The following TRHDE variants were observed in gnomAD, a reference collection of about 807,000 sequenced individuals.
TRHDE encodes thyrotropin-releasing hormone-degrading ectoenzyme.
Under a neutral mutation model 125.7 loss-of-function variants are expected in TRHDE, and 72 were observed. That is an observed-to-expected ratio of 0.57 (90% confidence interval 0.47 to 0.70). The LOEUF is 0.70. TRHDE is among the 30% of genes least tolerant of loss of function. The probability of loss-of-function intolerance (pLI) is 0.00; values close to 1 mark genes in which losing one functional copy is unlikely to be tolerated. For synonymous variants in TRHDE, 509 were observed against 509.1 expected (o/e 1.00, Z 0.00); for missense variants, 1,110 against 1,327.1 (o/e 0.84, Z 2.54).
At position 72,273,732 on chromosome 12, in the gene TRHDE, C is replaced by T; in HGVS notation, c.914+175C>T. On this transcript the variant is annotated intron_variant, in intron 1 of 18. Transcript: ENST00000261180. The surrounding 1 kb of genome is among the most constrained non-coding windows in gnomAD (Gnocchi z 5.3). ...GAACTCCGGGGTCTCCCAGATGCCT[C>T]GGGGTCTCGCTGCCGCCAACTTCGC... is the stretch of plus-strand genomic sequence containing the variant. 1.7e-6 allele frequency: 1 copy of T among 587,756 alleles called. No individual in the cohort carries two copies. The highest frequency in any genetic ancestry group is 2.9e-6 in the Non-Finnish European group (1 of 339,458). 36.4% of individuals were successfully genotyped at this position (587,756 alleles called of 1,614,324 possible). A position where few individuals can be genotyped will look rare whatever the true frequency, so the allele number is the denominator to read the frequency against.
intron 2 of TRHDE, among the ~76,000 whole-genome samples, chr12:72,289,179 G>A (rs1249718128): frequency 6.6e-6 from 1 of 152,088 alleles, no homozygotes; most frequent in African/African-American, 2.4e-5. Flanking sequence ...ATCACATGAA[G>A]TCCAGGTGGT....
exon 2 of TRHDE, chr12:72,105,698 G>A (rs547658300): frequency 2.0e-5 from 3 of 152,198 alleles, no homozygotes; most frequent in Non-Finnish European, 4.4e-5. Flanking sequence ...ACAGCTAATA[G>A]GTGGCAGTCT....
At chr12:72,148,448 G>T (rs1473859106) in intron 2 of TRHDE, among the ~76,000 whole-genome samples, 2 of 152,114 alleles carry the variant, frequency 1.3e-5, no homozygotes, top group African/African-American at 2.4e-5. Flanking sequence ...CAGACATTTT[G>T]CACCTCAATT....
intron 2 of TRHDE, among the ~76,000 whole-genome samples, chr12:72,343,104 G>A (rs1870156527): frequency 6.6e-6 from 1 of 152,102 alleles, no homozygotes; most frequent in Admixed American, 6.6e-5. Context: ...TTCAGCCTAT[G>A]GTCTTAATCA....
chr12:72,411,983 C>T (rs949911448), intron 3 of TRHDE, among the ~76,000 whole-genome samples: 4 of 152,040 alleles, frequency 2.6e-5, no homozygotes, highest in African/African-American at 9.7e-5. Context: ...GACCTTCATG[C>T]AGATTAAAGA....
rs553728771 is a variant in TRHDE, at chr12:72,259,118, T to A, written n.280-118877T>A. Among the ~76,000 whole-genome samples, 5 of 152,298 alleles carry A rather than the reference T, an allele frequency of 3.3e-5. No individual in the cohort carries two copies. In the South Asian group the frequency reaches 8.3e-4, roughly 25 times the overall value. ...CCACTAATTTTAGTATTTATTGATG[T>A]CTTGCTTGAATTCCTTTTGTATTTA... On this transcript the variant is annotated intron_variant and non_coding_transcript_variant, in intron 2 of 4. Coordinates refer to the TRHDE transcript ENST00000548156.
At chr12:72,599,438 A>C (rs1327903647) in intron 12 of TRHDE, among the ~76,000 whole-genome samples, 1 of 152,114 alleles carries the variant, frequency 6.6e-6, no homozygotes, top group Non-Finnish European at 1.5e-5. Flanking sequence ...ATAGTATCTC[A>C]TTGTGGTTTT....
intron 3 of TRHDE, among the ~76,000 whole-genome samples, chr12:72,381,544 C>T (rs1375969114): frequency 1.3e-5 from 2 of 151,502 alleles, no homozygotes; most frequent in Non-Finnish European, 2.9e-5. Context: ...TACAGGCGCC[C>T]GCCACTACGC....
chr12:72,578,529 T>A (rs1871103085), intron 12 of TRHDE, among the ~76,000 whole-genome samples: 1 of 152,202 alleles, frequency 6.6e-6, no homozygotes, highest in East Asian at 1.9e-4. Flanking sequence ...TAAGGTGATA[T>A]TCTATGGATC....
intron 2 of TRHDE, among the ~76,000 whole-genome samples, chr12:72,294,218 G>C (rs1221466928): frequency 1.3e-5 from 2 of 152,230 alleles, no homozygotes; most frequent in Non-Finnish European, 1.5e-5. Context: ...TTGTGCGACA[G>C]TTCTTTTAGC....
rs151236682 is a variant in TRHDE, at chr12:72,455,561, A to T, written c.1316-14197A>T. On this transcript the variant is annotated intron_variant, in intron 3 of 18. Transcript: ENST00000261180. ...TAATTGAGTGCAGAATCTTTAATGG[A>T]TGGATTTATGTTTCCAGTAACAAAT... Among the ~76,000 whole-genome samples, 382 of 152,182 alleles carry T rather than the reference A, an allele frequency of 2.5e-3. 2 individuals are homozygous for T. Among genetic ancestry groups the T allele is most frequent in the Middle Eastern group, 0.017 (5 of 294 alleles).
In TRHDE at chr12:72,117,245, G is replaced by GA. The variant is rs569191862; in HGVS notation, n.279+11493_279+11494insA. On this transcript the variant is annotated intron_variant and non_coding_transcript_variant, in intron 2 of 4. Coordinates refer to the TRHDE transcript ENST00000548156. ...TTAGGTTTTTAATCCATTTTGATTT[G>GA]TTTTTTTATATGGTGAGAGATAAAG... is the stretch of plus-strand genomic sequence containing the variant. 1.4e-3 allele frequency among the ~76,000 whole-genome samples: 210 copies of GA among 152,012 alleles called. 1 individual carries two copies. The highest frequency in any genetic ancestry group is 4.6e-3 in the African/African-American group (192 of 41,510).
At chr12:72,098,199 A>T (rs1874981667) in intron 1 of TRHDE, among the ~76,000 whole-genome samples, 1 of 152,064 alleles carries the variant, frequency 6.6e-6, no homozygotes, top group South Asian at 2.1e-4. Context: ...ACTTTTTATG[A>T]TGAGATTCTT....
At chr12:72,142,291 C>G (rs1876129084) in intron 2 of TRHDE, among the ~76,000 whole-genome samples, 1 of 152,118 alleles carries the variant, frequency 6.6e-6, no homozygotes, top group Admixed American at 6.5e-5. Flanking sequence ...TGGATCTCTT[C>G]CATGGGTTCC....
intron 9 of TRHDE, among the ~76,000 whole-genome samples, chr12:72,564,318 A>G (rs995808289): frequency 3.3e-5 from 5 of 152,134 alleles, no homozygotes; most frequent in African/African-American, 4.8e-5. Context: ...GTCTGGCCCC[A>G]GGCAAAACAA....
At chr12:72,155,620 C>T (rs1248590139) in intron 2 of TRHDE, among the ~76,000 whole-genome samples, 1 of 152,164 alleles carries the variant, frequency 6.6e-6, no homozygotes, top group African/African-American at 2.4e-5. Flanking sequence ...AGTCAGGACC[C>T]TCAGCTGCAG....
intron 15 of TRHDE, among the ~76,000 whole-genome samples, chr12:72,643,309 G>A (rs1466371152): frequency 6.6e-6 from 1 of 152,130 alleles, no homozygotes; most frequent in Non-Finnish European, 1.5e-5. Context: ...GCTTTAAGTT[G>A]TATATGTAAA....
At chr12:72,419,911 C>A (rs1003682140) in intron 3 of TRHDE, among the ~76,000 whole-genome samples, 1 of 152,114 alleles carries the variant, frequency 6.6e-6, no homozygotes, top group Admixed American at 6.6e-5. Context: ...CTAGGCTAGT[C>A]ACTGAAGAAT....
chr12:72,100,461 T>C (rs1002135314), intron 1 of TRHDE, among the ~76,000 whole-genome samples: 2 of 152,324 alleles, frequency 1.3e-5, no homozygotes, highest in African/African-American at 4.8e-5. Context: ...TTTAAGCTTT[T>C]GTTACCATTA....
Sources: gnomAD v4.1 joint callset for allele counts (sites outside exome capture counted in the v4.1 genomes callset) on GRCh38, gnomAD v4.1.1 for gene constraint, Gnocchi (gnomAD v3.1) non-coding constraint, MANE v1.5 for transcripts, NCBI Gene and HGNC (gene_info 2026-07-23, HGNC 2026-07-21) for gene names.